IRAK1BP1: variants seen among roughly 807,000 people sequenced by gnomAD.
The protein encoded by IRAK1BP1 is interleukin-1 receptor-associated kinase 1-binding protein 1.
In IRAK1BP1, 24 loss-of-function variants were observed where a neutral mutation model predicts 28.0. That is an observed-to-expected ratio of 0.86 (90% CI 0.62 to 1.20). The LOEUF is 1.20. Ranked by LOEUF, IRAK1BP1 falls within the 50% of genes most tolerant of loss-of-function variation. The pLI is 0.00. For missense variants in IRAK1BP1, 336 were observed against 316.7 expected (o/e 1.06, Z -0.46); for synonymous variants, 131 against 116.3 (o/e 1.13, Z -0.81).
chr6:78,951,031 A>G (rs1774110370), downstream of IRAK1BP1, among the ~76,000 whole-genome samples: 1 of 152,094 alleles, frequency 6.6e-6, no homozygotes, highest in Non-Finnish European at 1.5e-5. Context: ...ACAAATTTTG[A>G]TATACTGAAT....
chr6:78,902,962 C>A lies in IRAK1BP1; in HGVS notation c.*4628C>A, dbSNP rs1364332735. ...TTAAAACAATAAAACTCTTATAAAC[C>A]TGTTTATCAGAAGGATATTTCTGTT... On this transcript the variant is annotated 3_prime_UTR_variant, in exon 4 of 4. Coordinates refer to ENST00000369940, the MANE Select transcript of IRAK1BP1 (RefSeq NM_001010844.4). 9.0e-7 allele frequency: 1 copy of A among 1,117,288 alleles called. No homozygotes were observed. Among genetic ancestry groups the A allele is most frequent in the Non-Finnish European group, 1.3e-6 (1 of 770,638 alleles). The allele number at this position is 1,117,288 out of a possible 1,614,324, so 69.2% of individuals were successfully genotyped here. A position where few individuals can be genotyped will look rare whatever the true frequency, so the allele number is the denominator to read the frequency against.
the IRAK1BP1 span, among the ~76,000 whole-genome samples, chr6:78,970,392 TAAG>T: frequency 1.4e-4 from 22 of 151,890 alleles, no homozygotes; most frequent in East Asian, 1.7e-3. Context: ...GAAAAAAAAA[TAAG>T]GAGAACTTTA....
chr6:78,893,304 GTGTGTGTGTGTATA>G (rs1562085723), intron 2 of IRAK1BP1, among the ~76,000 whole-genome samples: 11 of 98,046 alleles, frequency 1.1e-4, no homozygotes, highest in African/African-American at 4.0e-4. Flanking sequence ...GTGTGTGTGT[GTGTGTGTGTGTATA>G]TATATATATA....
At chr6:78,910,678 C>G (rs1041710610) in intron 4 of IRAK1BP1, among the ~76,000 whole-genome samples, 1 of 152,320 alleles carries the variant, frequency 6.6e-6, no homozygotes, top group African/African-American at 2.4e-5. Context: ...GCGGATGACC[C>G]GGGCTCCCGC....
At chr6:78,965,651 C>A in the IRAK1BP1 span, 2 of 995,580 alleles carry the variant, frequency 2.0e-6, no homozygotes, top group Non-Finnish European at 3.1e-6. Context: ...TAAATAATTT[C>A]TTAAGAAATT....
chr6:78,936,985 CA>C (rs1171102187), intron 4 of IRAK1BP1: 2 of 151,742 alleles, frequency 1.3e-5, no homozygotes, highest in African/African-American at 4.8e-5. Flanking sequence ...CTAAGTGTAA[CA>C]AAACCACTGC....
the IRAK1BP1 span, among the ~76,000 whole-genome samples, chr6:78,960,550 G>A: frequency 6.6e-6 from 1 of 151,634 alleles, no homozygotes; most frequent in Non-Finnish European, 1.5e-5. Flanking sequence ...ATAGCAGGGA[G>A]GACTTCTCCT....
At chr6:78,948,411 G>A (rs574277507), downstream of IRAK1BP1, among the ~76,000 whole-genome samples, 1 of 152,078 alleles carries the variant, frequency 6.6e-6, no homozygotes, top group Admixed American at 6.6e-5. Context: ...GAAACAGGAA[G>A]AGCAACAGAA....
At chr6:78,920,292 A>G (rs1311644071) in intron 4 of IRAK1BP1, among the ~76,000 whole-genome samples, 1 of 152,110 alleles carries the variant, frequency 6.6e-6, no homozygotes, top group Non-Finnish European at 1.5e-5. Context: ...AACTATTCTA[A>G]ACTCATATGG....
At position 78,900,236 on chromosome 6, in the gene IRAK1BP1, A is replaced by C. The variant is rs1294528274; in HGVS notation, c.*1902A>C. 2 of 152,274 alleles carry C rather than the reference A, an allele frequency of 1.3e-5. No individual in the cohort carries two copies. The highest frequency in any genetic ancestry group is 2.9e-5 in the Non-Finnish European group (2 of 68,054). 9.4% of individuals were successfully genotyped at this position (152,274 alleles called of 1,614,324 possible). ...GGCCATTTGAAAGTTAACAGCAAGT[A>C]TGTATTACTGCTATCTACAGTAAGA... On this transcript the variant is annotated 3_prime_UTR_variant, in exon 4 of 4. Transcript: ENST00000369940.
the IRAK1BP1 span, among the ~76,000 whole-genome samples, chr6:78,973,294 G>A: frequency 6.6e-6 from 1 of 151,034 alleles, no homozygotes; most frequent in Admixed American, 6.6e-5. Flanking sequence ...ATAAGTGAAG[G>A]AGAAATAAAA....
intron 4 of IRAK1BP1, among the ~76,000 whole-genome samples, chr6:78,943,753 G>A (rs981240133): frequency 2.0e-5 from 3 of 152,132 alleles, no homozygotes; most frequent in South Asian, 4.2e-4. Context: ...TTGGGAGGCC[G>A]AGTGGGGTGG....
chr6:78,961,610 G>GA, the IRAK1BP1 span: 1 of 1,438,928 alleles, frequency 6.9e-7, no homozygotes, highest in Non-Finnish European at 9.6e-7. Context: ...AAAAAGTTGA[G>GA]AAACACTGCT....
chr6:78,951,856 C>T, the IRAK1BP1 span, among the ~76,000 whole-genome samples: 2 of 152,120 alleles, frequency 1.3e-5, no homozygotes, highest in Non-Finnish European at 2.9e-5. Flanking sequence ...TACGGGTTCC[C>T]ATTGTGGCTT....
chr6:78,890,254 A>G (rs1771595714), intron 2 of IRAK1BP1, among the ~76,000 whole-genome samples: 3 of 149,980 alleles, frequency 2.0e-5, no homozygotes, highest in African/African-American at 4.9e-5. Flanking sequence ...GGAACATCAC[A>G]TACCAGGGCC....
chr6:78,921,064 G>T (rs1772710529), intron 4 of IRAK1BP1, among the ~76,000 whole-genome samples: 1 of 152,186 alleles, frequency 6.6e-6, no homozygotes, highest in South Asian at 2.1e-4. Context: ...ACTGGGGATT[G>T]TCATCCAGTG....
At chr6:78,945,261 G>A in intron 4 of IRAK1BP1, 1 of 1,355,390 alleles carries the variant, frequency 7.4e-7, no homozygotes, top group Non-Finnish European at 1.1e-6. Flanking sequence ...TTTATAATAA[G>A]GATCTACTGT....
At chr6:78,885,857 CCATT>C (rs1296133589) in intron 2 of IRAK1BP1, among the ~76,000 whole-genome samples, 1 of 152,142 alleles carries the variant, frequency 6.6e-6, no homozygotes, top group Non-Finnish European at 1.5e-5. Flanking sequence ...AAAATGAAAA[CCATT>C]CAACCTTTAT....
At chr6:78,885,357 C>G in intron 1 of IRAK1BP1, 21 bp from the exon 2 acceptor site, 1 of 1,437,024 alleles carries the variant, frequency 7.0e-7, no homozygotes. Context: ...TAATCATACT[C>G]TTGGACTTTT....
Sources: gnomAD v4.1 joint callset for allele counts (sites outside exome capture counted in the v4.1 genomes callset) on GRCh38, gnomAD v4.1.1 for gene constraint, MANE v1.5 for transcripts, NCBI Gene and HGNC (gene_info 2026-07-23, HGNC 2026-07-21) for gene names.